TJP1: variants seen among roughly 807,000 people sequenced by gnomAD.
TJP1 encodes the protein tight junction protein ZO-1.
In TJP1, 43 loss-of-function variants were observed where a neutral mutation model predicts 194.2. The ratio of observed to expected loss-of-function variants is 0.22; its 90% CI spans 0.17 to 0.29. The LOEUF (loss-of-function observed/expected upper bound fraction) is 0.29. Ranked by LOEUF, TJP1 falls within the 10% of genes least tolerant of loss-of-function variation. TJP1 has a pLI of 1.00. For missense variants in TJP1, 1,971 were observed against 2,185.7 expected (o/e 0.90, Z 1.96); for synonymous variants, 801 against 779.0 (o/e 1.03, Z -0.47).
intron 2 of TJP1, among the ~76,000 whole-genome samples, chr15:29,908,110 A>AGGGAG (rs936600346): frequency 7.0e-6 from 1 of 142,426 alleles, no homozygotes; most frequent in Non-Finnish European, 1.5e-5. Context: ...AAAGATAAAG[A>AGGGAG]GGGAGGAGAC....
At chr15:29,918,054 A>C (rs1307877639) in intron 2 of TJP1, among the ~76,000 whole-genome samples, 1 of 152,100 alleles carries the variant, frequency 6.6e-6, no homozygotes, top group Non-Finnish European at 1.5e-5. Context: ...TACTGTAGGT[A>C]CCTCATGTAA....
chr15:29,841,799 C>T (rs1275365235), intron 2 of TJP1, among the ~76,000 whole-genome samples: 3 of 150,750 alleles, frequency 2.0e-5, no homozygotes. Flanking sequence ...CTATATATTT[C>T]TTGACCATAA....
In TJP1 at chr15:29,726,955, C is replaced by T. The variant is rs775462154; in HGVS notation, c.2137G>A (p.Val713Ile). ...CACTGGGCATAGTTAAGACGATCAA[C>T]TGCATTTGGTGTTACATCTAATAAA... Reference protein sequence around the residue: ...HALLDVTPNAVDRLNYAQWYP... With the variant: ...HALLDVTPNAIDRLNYAQWYP... The change falls in exon 17 of 28, where the codon GTT becomes ATT. Residue 713 changes from valine to isoleucine, a missense_variant. Physicochemically the swap from Val to Ile is conservative, Grantham distance 29. Around this residue, in one of 5 missense-constraint regions of TJP1, gnomAD observed 402 missense variants for 484.2 expected, o/e 0.83. Transcript: ENST00000614355. 7 of 1,614,042 alleles carry T rather than the reference C, an allele frequency of 4.3e-6. No homozygotes were observed. Among genetic ancestry groups the T allele is most frequent in the Middle Eastern group, 1.6e-4 (1 of 6,082 alleles).
chr15:29,866,985 T>A (rs2052329517), intron 2 of TJP1, among the ~76,000 whole-genome samples: 1 of 152,222 alleles, frequency 6.6e-6, no homozygotes, highest in Non-Finnish European at 1.5e-5. Flanking sequence ...TTCACTCAGT[T>A]CCAGTTTCAT....
intron 2 of TJP1, among the ~76,000 whole-genome samples, chr15:29,775,423 T>C (rs1185237410): frequency 6.6e-6 from 1 of 152,042 alleles, no homozygotes; most frequent in Non-Finnish European, 1.5e-5. Flanking sequence ...TTGTGCTGGT[T>C]TTGCTGTCAC....
intron 2 of TJP1, among the ~76,000 whole-genome samples, chr15:29,894,739 C>T (rs1291144294): frequency 6.6e-6 from 1 of 152,184 alleles, no homozygotes; most frequent in African/African-American, 2.4e-5. Flanking sequence ...CTCACTTGAC[C>T]AAGGCTTCTA....
At chr15:29,939,289 A>G (rs2054987569) in intron 2 of TJP1, among the ~76,000 whole-genome samples, 1 of 152,182 alleles carries the variant, frequency 6.6e-6, no homozygotes, top group Non-Finnish European at 1.5e-5. Context: ...TTCCTAAATA[A>G]TAGTGCCCTG....
exon 1 of TJP1, chr15:29,968,823 C>T: frequency 9.3e-7 from 1 of 1,073,006 alleles, no homozygotes; most frequent in Non-Finnish European, 1.2e-6. Context: ...CAGACACAGC[C>T]CCTCCAGGCG....
intron 27 of TJP1, among the ~76,000 whole-genome samples, chr15:29,702,091 A>C (rs1413932851): frequency 5.5e-5 from 8 of 145,318 alleles, no homozygotes; most frequent in Admixed American, 3.5e-4. Context: ...TATCAGTAGC[A>C]CTTTTTTTTT....
chr15:29,888,808 G>A (rs1415202510), intron 2 of TJP1, among the ~76,000 whole-genome samples: 1 of 152,182 alleles, frequency 6.6e-6, no homozygotes, highest in African/African-American at 2.4e-5. Flanking sequence ...ACCCCAGTGT[G>A]TAGCCGCACA....
At position 29,862,881 on chromosome 15, in the gene TJP1, T is replaced by C. The variant is rs1390448821; in HGVS notation, c.307-62179A>G. Among the ~76,000 whole-genome samples, 18 of 150,780 alleles carry C rather than the reference T, an allele frequency of 1.2e-4. No individual in the cohort carries two copies. The East Asian group carries it at 2.9e-3, about 24-fold the overall frequency. On this transcript the variant is annotated intron_variant, in intron 2 of 28. Transcript: ENST00000356107. ...GCCAGGATGGTCGCGATCTCCTGAC[T>C]TCGTGATCCGCCCGCCTCGGCCTCC... is the stretch of plus-strand genomic sequence containing the variant.
At chr15:29,725,821 T>G (rs1205896541) in intron 18 of TJP1, among the ~76,000 whole-genome samples, 1 of 152,162 alleles carries the variant, frequency 6.6e-6, no homozygotes, top group Non-Finnish European at 1.5e-5. Context: ...GAGTGAAAAA[T>G]AAATGCAAGG....
chr15:29,897,197 T>C (rs2053502334), intron 2 of TJP1, among the ~76,000 whole-genome samples: 1 of 152,172 alleles, frequency 6.6e-6, no homozygotes, highest in Non-Finnish European at 1.5e-5. Flanking sequence ...ACTGTGTGCA[T>C]TCTAGGGACT....
At chr15:29,930,600 C>T (rs1052441115) in intron 2 of TJP1, among the ~76,000 whole-genome samples, 1 of 146,508 alleles carries the variant, frequency 6.8e-6, no homozygotes, top group Non-Finnish European at 1.5e-5. Flanking sequence ...AGACTACCTA[C>T]AAAAACATAC....
At chr15:29,732,002 G>A (rs953733636) in intron 15 of TJP1, 4 of 171,262 alleles carry the variant, frequency 2.3e-5, no homozygotes, top group African/African-American at 4.8e-5. Flanking sequence ...AAAAGAGCTG[G>A]AATGGAGCAA....
intron 8 of TJP1, among the ~76,000 whole-genome samples, chr15:29,753,714 T>G (rs8042487): frequency 2.0e-5 from 3 of 151,644 alleles, no homozygotes; most frequent in African/African-American, 7.3e-5. Flanking sequence ...ACAGGAGCCA[T>G]GGGAAAGAAG....
At chr15:29,847,493 G>A (rs896573160) in intron 2 of TJP1, among the ~76,000 whole-genome samples, 36 of 152,230 alleles carry the variant, frequency 2.4e-4, no homozygotes, top group African/African-American at 7.9e-4. Context: ...CACTTTTAAA[G>A]TAAGCACTTG....
At position 29,936,600 on chromosome 15, in the gene TJP1, C is replaced by T. The variant is rs140122650; in HGVS notation, c.306+19632G>A. Among the ~76,000 whole-genome samples, 76 of 152,246 alleles carry T rather than the reference C, an allele frequency of 5.0e-4. 1 individual carries two copies. In the East Asian group the frequency reaches 0.015, roughly 29 times the overall value. ...CTCTTGGCTTGGTTTCAGATTAGTACTCCAGGTGCTGCAGTCTGACTAAAC... is the reference window on the plus strand; with the variant it reads ...CTCTTGGCTTGGTTTCAGATTAGTATTCCAGGTGCTGCAGTCTGACTAAAC... On this transcript the variant is annotated intron_variant, in intron 2 of 28. Transcript: ENST00000356107.
chr15:29,828,579 A>G (rs2152039454), intron 2 of TJP1, among the ~76,000 whole-genome samples: 1 of 152,268 alleles, frequency 6.6e-6, no homozygotes, highest in South Asian at 2.1e-4. Flanking sequence ...CTCTCCCCCC[A>G]TATGAACACT....
Sources: allele counts gnomAD v4.1 joint callset (sites outside exome capture counted in the v4.1 genomes callset), GRCh38; gene constraint gnomAD v4.1.1; regional missense constraint gnomAD v4.1.1; transcripts MANE v1.5; gene names NCBI Gene and HGNC (gene_info 2026-07-23, HGNC 2026-07-21).